The following CCDC158 variants were observed in gnomAD, a reference collection of about 807,000 sequenced individuals.
The protein encoded by CCDC158 is coiled-coil domain-containing protein 158.
CCDC158 carries 116 observed loss-of-function variants against 138.6 expected under a neutral mutation model. That is an observed-to-expected ratio of 0.84 (90% CI 0.72 to 0.98). The LOEUF (loss-of-function observed/expected upper bound fraction) is 0.98. Among genes scored for constraint, CCDC158 ranks in the 50% least tolerant of loss-of-function variants. CCDC158 has a pLI of 0.00. For missense variants in CCDC158, 1,265 were observed against 1,306.1 expected (o/e 0.97, Z 0.48); for synonymous variants, 436 against 442.4 (o/e 0.99, Z 0.18).
At chr4:76,332,604 T>C (rs1721104243) in intron 19 of CCDC158, 113 bp from the exon 20 acceptor site, 1 of 765,602 alleles carries the variant, frequency 1.3e-6, no homozygotes, top group South Asian at 2.1e-5. Context: ...GTGACAGCTG[T>C]AGATTTTAGG....
chr4:76,319,537 C>T (rs1182123026), intron 24 of CCDC158, among the ~76,000 whole-genome samples: 2 of 103,170 alleles, frequency 1.9e-5, no homozygotes, highest in Admixed American at 2.2e-4. Flanking sequence ...ATGCAAAAAT[C>T]CACAACAAAA....
In CCDC158 at chr4:76,389,991, A is replaced by T. The variant is rs367930519; in HGVS notation, c.289-5326T>A. Among the ~76,000 whole-genome samples the T allele has an allele frequency of 2.8e-4, 42 of 152,356 alleles. No homozygotes were observed. The East Asian group carries it at 7.9e-3, about 29-fold the overall frequency. Reference sequence around the variant, plus strand: ...AAGGGAGTTCTTCATTCTGAAAGAGAAGGATATTAATAAGCAAGAATAAAT... The same window carrying T: ...AAGGGAGTTCTTCATTCTGAAAGAGTAGGATATTAATAAGCAAGAATAAAT... On this transcript the variant is annotated intron_variant, in intron 4 of 24. Transcript: ENST00000682701.
At chr4:76,324,592 A>G (rs997340413) in intron 23 of CCDC158, among the ~76,000 whole-genome samples, 39 of 152,286 alleles carry the variant, frequency 2.6e-4, no homozygotes, top group Non-Finnish European at 1.9e-4. Flanking sequence ...TGTAACAAAA[A>G]TTAATAATGA....
chr4:76,412,496 C>T (rs1560488077), intron 1 of CCDC158, among the ~76,000 whole-genome samples: 1 of 152,106 alleles, frequency 6.6e-6, no homozygotes, highest in Non-Finnish European at 1.5e-5. Context: ...CATGGTGGCT[C>T]ATGACTGTTA....
intron 21 of CCDC158, among the ~76,000 whole-genome samples, chr4:76,331,108 G>C (rs1720966993): frequency 6.6e-6 from 1 of 152,098 alleles, no homozygotes; most frequent in South Asian, 2.1e-4. Context: ...GGATATCTCT[G>C]TCTATTTAGG....
At chr4:76,354,193 G>A (rs373962660) in intron 15 of CCDC158, among the ~76,000 whole-genome samples, 13 of 126,842 alleles carry the variant, frequency 1.0e-4, no homozygotes, top group African/African-American at 3.4e-4. Context: ...AGCCATAAGC[G>A]CCATCAGGAA....
In CCDC158 at chr4:76,334,072, A is replaced by G. The variant is rs749877494; in HGVS notation, c.2760T>C (p.Ala920=). 2 of 1,613,990 alleles carry G rather than the reference A, an allele frequency of 1.2e-6. No homozygotes were observed. The highest frequency in any genetic ancestry group is 3.3e-5 in the Admixed American group (2 of 60,022). ...ELRSVINEEP[A]VSLSKTEEDG... ...CTTCCTCTGTCTTGCTCAGAGACAC[A>G]GCTGGCTCCTCATTGATCACGCTTC... Residue 920 remains alanine, a synonymous_variant, in exon 19 of 25, where the codon GCT becomes GCC. Coordinates refer to ENST00000682701, the MANE Select transcript of CCDC158 (RefSeq NM_001394954.1).
chr4:76,329,700 C>T (rs1038739587), intron 21 of CCDC158, among the ~76,000 whole-genome samples: 3 of 152,166 alleles, frequency 2.0e-5, no homozygotes, highest in Admixed American at 1.3e-4. Flanking sequence ...GAGTTGGGTA[C>T]CAATATGAGA....
intron 18 of CCDC158, among the ~76,000 whole-genome samples, chr4:76,338,655 T>C (rs1298474855): frequency 3.3e-5 from 5 of 152,188 alleles, no homozygotes; most frequent in South Asian, 4.1e-4. Context: ...GCTGGTTTTA[T>C]AGTGGTAAGT....
chr4:76,374,855 T>G (rs188110249), intron 9 of CCDC158, among the ~76,000 whole-genome samples: 531 of 151,298 alleles, frequency 3.5e-3, no homozygotes, highest in Non-Finnish European at 4.5e-3. Context: ...AAACTTGACA[T>G]GAGACCAAAT....
rs772303716 is a variant in CCDC158, at chr4:76,369,638, G to A, written c.1150-15C>T. The A allele has an allele frequency of 1.4e-5, 22 of 1,592,122 alleles. No individual in the cohort carries two copies. The South Asian group carries it at 1.8e-4, about 13-fold the overall frequency. On this transcript the variant is annotated splice_polypyrimidine_tract_variant and intron_variant, in intron 10 of 24. Coordinates refer to ENST00000682701, the MANE Select transcript of CCDC158 (RefSeq NM_001394954.1). ...TGTAGATCAGCCTAAAAAAAGAGAG[G>A]AATGCTTTTTTCCTCCCTGCTATTA... is the stretch of plus-strand genomic sequence containing the variant.
chr4:76,331,497 T>C lies in CCDC158; in HGVS notation c.2883-94A>G, dbSNP rs973841208. On this transcript the variant is annotated intron_variant, in intron 20 of 24. Transcript: ENST00000682701. ...TTGTGAGAAAAATAATGTATTCTTA[T>C]GTAGGGTGAAATGGTATCATCTGAC... 7 of 1,004,378 alleles carry C rather than the reference T, an allele frequency of 7.0e-6. No homozygotes were observed. In the African/African-American group the frequency reaches 7.9e-5, roughly 11 times the overall value. 62.2% of individuals were successfully genotyped at this position (1,004,378 alleles called of 1,614,324 possible). A position where few individuals can be genotyped will look rare whatever the true frequency, so the allele number is the denominator to read the frequency against.
chr4:76,366,926 T>C (rs999222702), intron 12 of CCDC158, among the ~76,000 whole-genome samples: 1 of 152,152 alleles, frequency 6.6e-6, no homozygotes, highest in Non-Finnish European at 1.5e-5. Flanking sequence ...TTATCAGATA[T>C]CGAAGCCAAG....
In CCDC158 at chr4:76,366,090, A is replaced by G. The variant is rs138938542; in HGVS notation, c.1830+1204T>C. The stretch of plus-strand genomic sequence containing the variant: ...ATTCTCCTGTTTAGAACCTTAACAC[A>G]CTAGCAATCCACTAGTGATCTTCCT... On this transcript the variant is annotated intron_variant, in intron 12 of 24. Coordinates refer to ENST00000682701, the MANE Select transcript of CCDC158 (RefSeq NM_001394954.1). Among the ~76,000 whole-genome samples, 77 of 152,284 alleles carry G rather than the reference A, an allele frequency of 5.1e-4. 1 individual carries two copies. Among genetic ancestry groups the G allele is most frequent in the African/African-American group, 1.8e-3 (73 of 41,560 alleles).
chr4:76,313,253 A>G lies in CCDC158; in HGVS notation c.3278-7T>C. ...CTGATCATTGAAGACATTGCTGAAA[A>G]TGTTGATAAAACAGTTAGAATAACA... On this transcript the variant is annotated splice_region_variant and splice_polypyrimidine_tract_variant and intron_variant, in intron 24 of 24. Coordinates refer to ENST00000682701, the MANE Select transcript of CCDC158 (RefSeq NM_001394954.1). The G allele has an allele frequency of 6.4e-7, 1 of 1,573,186 alleles. No homozygotes were observed. The highest frequency in any genetic ancestry group is 8.7e-7 in the Non-Finnish European group (1 of 1,148,492).
chr4:76,406,302 A>G lies in CCDC158; in HGVS notation c.-73-3022T>C, dbSNP rs530444426. Among the ~76,000 whole-genome samples the G allele has an allele frequency of 3.9e-5, 6 of 152,230 alleles. No individual in the cohort carries two copies. In the South Asian group the frequency reaches 1.2e-3, roughly 31 times the overall value. ...ATTGCACAATAAAGATATGTACCAT[A>G]TAACACAGCAATCACTTGGATAAAG... On this transcript the variant is annotated intron_variant, in intron 2 of 24. Coordinates refer to ENST00000682701, the MANE Select transcript of CCDC158 (RefSeq NM_001394954.1).
intron 18 of CCDC158, among the ~76,000 whole-genome samples, chr4:76,348,293 GGC>G (rs936283437): frequency 2.0e-5 from 3 of 148,956 alleles, no homozygotes; most frequent in African/African-American, 7.4e-5. Flanking sequence ...AAATTAGCCA[GGC>G]GAGGTGGTGG....
At chr4:76,402,753 A>G (rs542176647) in intron 3 of CCDC158, among the ~76,000 whole-genome samples, 57 of 152,320 alleles carry the variant, frequency 3.7e-4, no homozygotes, top group Non-Finnish European at 7.1e-4. Context: ...GAGACATTTC[A>G]AAGGTAAAAT....
intron 4 of CCDC158, among the ~76,000 whole-genome samples, chr4:76,387,045 G>C (rs1579049977): frequency 6.6e-6 from 1 of 152,184 alleles, no homozygotes; most frequent in African/African-American, 2.4e-5. Flanking sequence ...GCTGGGCTTA[G>C]AGCCAGTAAA....
Sources: allele counts gnomAD v4.1 joint callset (sites outside exome capture counted in the v4.1 genomes callset), GRCh38; gene constraint gnomAD v4.1.1; transcripts MANE v1.5; gene names NCBI Gene and HGNC (gene_info 2026-07-23, HGNC 2026-07-21).